The following B4GALNT3 variants were observed in gnomAD, a reference collection of about 807,000 sequenced individuals.
B4GALNT3 encodes beta-1,4-N-acetylgalactosaminyltransferase 3.
In B4GALNT3, 86 loss-of-function variants were observed where a neutral mutation model predicts 120.2. The ratio of observed to expected loss-of-function variants is 0.72; its 90% CI spans 0.60 to 0.86. The LOEUF (loss-of-function observed/expected upper bound fraction) is 0.86. Ranked by LOEUF, B4GALNT3 falls within the 40% of genes least tolerant of loss-of-function variation. The pLI, the probability that B4GALNT3 is intolerant of heterozygous loss-of-function variation, is 0.00. For synonymous variants in B4GALNT3, 518 were observed against 510.4 expected (o/e 1.01, Z -0.20); for missense variants, 1,167 against 1,298.9 (o/e 0.90, Z 1.56).
intron 1 of B4GALNT3, among the ~76,000 whole-genome samples, chr12:473,729 T>C (rs1366175196): frequency 2.0e-5 from 3 of 152,172 alleles, no homozygotes; most frequent in Non-Finnish European, 2.9e-5. Flanking sequence ...ACTTGTTATA[T>C]GCCAGGCTAT....
rs1445195605 is a variant in B4GALNT3, at chr12:548,564, A to G, written c.853+267A>G. On this transcript the variant is annotated intron_variant, in intron 9 of 19. Transcript: ENST00000266383. This position sits in a 1 kb window ranked among gnomAD's most constrained non-coding sequence, Gnocchi z 4.9. ...CCTTGTCTACCCACCCACACACAAC[A>G]TTTTGAATACAACTTCAAGGGAGTC... Among the ~76,000 whole-genome samples, 1 of 152,112 alleles carries G rather than the reference A, an allele frequency of 6.6e-6. No homozygotes were observed. The highest frequency in any genetic ancestry group is 1.5e-5 in the Non-Finnish European group (1 of 68,026).
chr12:556,246 G>A (rs1026093122), intron 14 of B4GALNT3, among the ~76,000 whole-genome samples: 6 of 152,124 alleles, frequency 3.9e-5, no homozygotes, highest in Non-Finnish European at 8.8e-5. Flanking sequence ...TTTTTATTGA[G>A]GGTCAGTTTC....
chr12:497,961 G>A (rs528093962), intron 1 of B4GALNT3, among the ~76,000 whole-genome samples: 19 of 152,054 alleles, frequency 1.2e-4, no homozygotes, highest in Non-Finnish European at 2.2e-4. Flanking sequence ...ACACACACTC[G>A]ATTTCTCAGT....
Position 542,262 on chromosome 12 carries a change from ATT to A in B4GALNT3, c.352-2076_352-2075del, listed in dbSNP as rs1275014117. 8.5e-5 allele frequency among the ~76,000 whole-genome samples: 13 copies of A among 152,092 alleles called. No individual in the cohort carries two copies. In the East Asian group the frequency reaches 2.5e-3, roughly 30 times the overall value. On this transcript the variant is annotated intron_variant, in intron 3 of 19. Coordinates refer to ENST00000266383, the MANE Select transcript of B4GALNT3 (RefSeq NM_173593.4). The stretch of plus-strand genomic sequence containing the variant: ...TCTCCTGCGTCTTTCTGGATCCAGC[ATT>A]GAGGCAGTGTTCCCCAGAGGCTGCG...
intron 17 of B4GALNT3, 103 bp downstream of exon 17, chr12:558,191 G>A (rs1050087154): frequency 3.1e-5 from 40 of 1,300,960 alleles, no homozygotes; most frequent in South Asian, 1.5e-4. Context: ...GGGAGGACGG[G>A]AATGAGGACA....
At position 516,755 on chromosome 12, in the gene B4GALNT3, A is replaced by C. The variant is rs543922828; in HGVS notation, c.170-18411A>C. On this transcript the variant is annotated intron_variant, in intron 1 of 19. Coordinates refer to ENST00000266383, the MANE Select transcript of B4GALNT3 (RefSeq NM_173593.4). ...AGCAAGGACTGGCATGGCCTGACTTACATTTTGGTGGAGTTCCTCTGGCTA... is the reference window on the plus strand; with the variant it reads ...AGCAAGGACTGGCATGGCCTGACTTCCATTTTGGTGGAGTTCCTCTGGCTA... Among the ~76,000 whole-genome samples, 40 of 152,306 alleles carry C rather than the reference A, an allele frequency of 2.6e-4. No homozygotes were observed. The East Asian group carries it at 7.7e-3, about 29-fold the overall frequency.
At chr12:560,648 C>T (rs557922956) in intron 19 of B4GALNT3, among the ~76,000 whole-genome samples, 4 of 152,298 alleles carry the variant, frequency 2.6e-5, no homozygotes, top group Admixed American at 1.3e-4. Flanking sequence ...TCAAAGGAGC[C>T]CCCAGGGCAG....
intron 1 of B4GALNT3, among the ~76,000 whole-genome samples, chr12:530,441 G>C (rs1196153589): frequency 6.6e-6 from 1 of 152,252 alleles, no homozygotes; most frequent in South Asian, 2.1e-4. Context: ...ACCAATGCCA[G>C]CCTGGGCAGC....
intron 3 of B4GALNT3, among the ~76,000 whole-genome samples, chr12:544,007 G>A (rs1946956468): frequency 1.5e-5 from 2 of 135,718 alleles, no homozygotes; most frequent in South Asian, 2.5e-4. Context: ...GGCATGGGGT[G>A]CTCATCTTCC....
In B4GALNT3 at chr12:549,916, AG is replaced by A. The variant is rs1212851019; in HGVS notation, c.997+6del. Reference sequence around the variant, plus strand: ...CCCCGGGACACCCTCTATCGAGGTAAGGCCTCGGCCAGCGCTTGGCGTCCTT... The same window carrying A: ...CCCCGGGACACCCTCTATCGAGGTAAGCCTCGGCCAGCGCTTGGCGTCCTT... On this transcript the variant is annotated splice_donor_5th_base_variant and intron_variant, in intron 10 of 19. Coordinates refer to ENST00000266383, the MANE Select transcript of B4GALNT3 (RefSeq NM_173593.4). 6.2e-7 allele frequency: 1 copy of A among 1,609,372 alleles called. No individual in the cohort carries two copies. The highest frequency in any genetic ancestry group is 1.7e-5 in the Admixed American group (1 of 59,530).
intron 1 of B4GALNT3, among the ~76,000 whole-genome samples, chr12:511,321 G>A (rs796542511): frequency 0.041 from 611 of 15,008 alleles, 97 homozygotes; most frequent in African/African-American, 0.19. Flanking sequence ...TCCGCCTTCT[G>A]CCTTCCACCT....
intron 1 of B4GALNT3, among the ~76,000 whole-genome samples, chr12:467,875 C>A (rs1314901512): frequency 6.6e-6 from 1 of 152,200 alleles, no homozygotes; most frequent in East Asian, 1.9e-4. Context: ...TTCTCTTGAG[C>A]GGTTTGTTTT....
At chr12:507,634 T>C (rs1308030169) in intron 1 of B4GALNT3, among the ~76,000 whole-genome samples, 1 of 152,220 alleles carries the variant, frequency 6.6e-6, no homozygotes, top group Non-Finnish European at 1.5e-5. Context: ...TGGCTCTGTG[T>C]TTACATACAA....
chr12:504,206 G>C (rs1472908259), intron 1 of B4GALNT3, among the ~76,000 whole-genome samples: 1 of 151,086 alleles, frequency 6.6e-6, no homozygotes, highest in Non-Finnish European at 1.5e-5. Flanking sequence ...ACTTCAGCCT[G>C]GGAAGTCGAG....
In B4GALNT3 at chr12:480,686, C is replaced by T. The variant is rs143251259; in HGVS notation, c.169+20141C>T. ...AGGCCCAGCCTTATCTCCGGGACCG[C>T]GGCTGTCCTCACCCCTCCTCCTGTC... On this transcript the variant is annotated intron_variant, in intron 1 of 19. Coordinates refer to ENST00000266383, the MANE Select transcript of B4GALNT3 (RefSeq NM_173593.4). Among the ~76,000 whole-genome samples, 243 of 130,296 alleles carry T rather than the reference C, an allele frequency of 1.9e-3. 1 individual carries two copies. The highest frequency in any genetic ancestry group is 6.1e-3 in the African/African-American group (217 of 35,836). The allele number at this position is 130,296 out of a possible 152,430, so 85.5% of individuals were successfully genotyped here.
At chr12:505,923 A>T (rs547096058) in intron 1 of B4GALNT3, among the ~76,000 whole-genome samples, 1 of 152,282 alleles carries the variant, frequency 6.6e-6, no homozygotes, top group Non-Finnish European at 1.5e-5. Flanking sequence ...TGCCATTTGC[A>T]ACTCCATCCA....
intron 3 of B4GALNT3, chr12:540,331 A>G (rs1023018253): frequency 6.6e-6 from 1 of 152,220 alleles, no homozygotes; most frequent in Non-Finnish European, 1.5e-5. Flanking sequence ...CTCAGTGCTA[A>G]TAGAATGGAG....
At chr12:545,308 C>T (rs1292817071) in intron 5 of B4GALNT3, 61 bp from the exon 6 acceptor site, 1 of 1,550,222 alleles carries the variant, frequency 6.5e-7, no homozygotes, top group South Asian at 1.2e-5. Flanking sequence ...CTCACAAAAG[C>T]CTCCAGCTTT....
chr12:554,201 G>T (rs1473297052), intron 14 of B4GALNT3, among the ~76,000 whole-genome samples: 1 of 152,264 alleles, frequency 6.6e-6, no homozygotes, highest in Non-Finnish European at 1.5e-5. Context: ...ATTAGGCAAG[G>T]TTCTGAAATC....
Sources: allele counts gnomAD v4.1 joint callset (sites outside exome capture counted in the v4.1 genomes callset), GRCh38; gene constraint gnomAD v4.1.1; non-coding constraint Gnocchi (gnomAD v3.1); transcripts MANE v1.5; gene names NCBI Gene and HGNC (gene_info 2026-07-23, HGNC 2026-07-21).